The following RGS22 variants were observed in gnomAD, a reference collection of about 807,000 sequenced individuals.
The protein encoded by RGS22 is regulator of G protein signaling 22.
A neutral mutation model predicts 172.9 loss-of-function variants in RGS22; 148 were observed. The observed-to-expected ratio is 0.86, with a 90% CI of 0.75 to 0.98. The LOEUF is 0.98. Ranked by LOEUF, RGS22 falls within the 50% of genes least tolerant of loss-of-function variation. The pLI, the probability that RGS22 is intolerant of heterozygous loss-of-function variation, is 0.00. For synonymous variants in RGS22, 458 were observed against 480.2 expected, an observed-to-expected ratio of 0.95 and a Z score of 0.60; for missense variants, 1,347 against 1,440.8, an observed-to-expected ratio of 0.93 and a Z score of 1.05.
chr8:99,985,179 G>A (rs934390415), intron 21 of RGS22, among the ~76,000 whole-genome samples: 7 of 152,150 alleles, frequency 4.6e-5, no homozygotes, highest in African/African-American at 1.2e-4. Flanking sequence ...GTGTGATGTC[G>A]GGAATTTCTT....
At chr8:100,100,033 G>A (rs1813339947) in intron 2 of RGS22, among the ~76,000 whole-genome samples, 1 of 152,224 alleles carries the variant, frequency 6.6e-6, no homozygotes, top group Non-Finnish European at 1.5e-5. Context: ...TTGTTTAGGA[G>A]GACTGGAATT....
chr8:100,101,540 A>G (rs1261679273), intron 2 of RGS22, among the ~76,000 whole-genome samples: 1 of 145,614 alleles, frequency 6.9e-6, no homozygotes. Flanking sequence ...TGATCCGCCC[A>G]CCTTGACCTC....
chr8:99,976,233 CT>C (rs1563564402), intron 23 of RGS22, among the ~76,000 whole-genome samples: 1 of 152,036 alleles, frequency 6.6e-6, no homozygotes, highest in African/African-American at 2.4e-5. Context: ...AATGAACATG[CT>C]TTTTATGGCA....
chr8:100,095,167 A>G (rs1257508727), intron 2 of RGS22, among the ~76,000 whole-genome samples: 1 of 152,150 alleles, frequency 6.6e-6, no homozygotes, highest in African/African-American at 2.4e-5. Flanking sequence ...GAACTATCTG[A>G]GATGAGATAC....
intron 14 of RGS22, among the ~76,000 whole-genome samples, chr8:100,009,362 T>G (rs1405362834): frequency 2.8e-5 from 4 of 143,226 alleles, no homozygotes; most frequent in Non-Finnish European, 6.0e-5. Flanking sequence ...GAGATTGCGG[T>G]GGCCCAAGAT....
At chr8:100,080,006 A>C (rs1352762395) in intron 4 of RGS22, 128 bp downstream of exon 4, 1 of 647,922 alleles carries the variant, frequency 1.5e-6, no homozygotes, top group Non-Finnish European at 2.6e-6. Flanking sequence ...CTTAACAAAT[A>C]CTATGTGTAC....
chr8:100,070,636 T>C (rs2131839242), intron 6 of RGS22, among the ~76,000 whole-genome samples: 1 of 152,356 alleles, frequency 6.6e-6, no homozygotes, highest in Non-Finnish European at 1.5e-5. Context: ...TTGTATTGTT[T>C]TAGTATTTAA....
intron 23 of RGS22, among the ~76,000 whole-genome samples, chr8:99,976,159 C>T (rs1227886877): frequency 6.6e-6 from 1 of 151,804 alleles, no homozygotes; most frequent in African/African-American, 2.4e-5. Flanking sequence ...CACTGCACTC[C>T]AGCCTGGGTG....
Position 99,987,618 on chromosome 8 carries a change from G to T in RGS22, c.3020C>A (p.Pro1007His). The change falls in exon 21 of 28, where the codon CCT (proline) becomes CAT (histidine). Residue 1007 changes from proline to histidine, a missense_variant and splice_region_variant. By Grantham distance (77) the Pro-to-His change is moderately conservative. Transcript: ENST00000360863. ...KAEKKIGVWK[P>H]VESKWISSSC... The stretch of plus-strand genomic sequence containing the variant: ...TGAAGAGATCCACTTACTCTCCACA[G>T]GCTGTCCAAAGCAGAGAATATAGGA... 1 of 1,590,850 alleles carries T rather than the reference G, an allele frequency of 6.3e-7. No homozygotes were observed. Among genetic ancestry groups the T allele is most frequent in the East Asian group, 2.3e-5 (1 of 44,444 alleles).
In RGS22 at chr8:100,105,972, G is replaced by C. The variant is rs1813912386; in HGVS notation, c.-51C>G. ...GCCCGCGCGGGCCGTCAGGGCCCTA[G>C]CGCGCGGGTCCAGCGCGGGTCAGGG... On this transcript the variant is annotated 5_prime_UTR_variant, in exon 1 of 28. Transcript: ENST00000360863. The C allele has an allele frequency of 7.3e-7, 1 of 1,377,004 alleles. No homozygotes were observed. The highest frequency in any genetic ancestry group is 3.2e-5 in the East Asian group (1 of 31,672). The allele number at this position is 1,377,004 out of a possible 1,614,324, so 85.3% of individuals were successfully genotyped here.
In RGS22 at chr8:100,093,489, A is replaced by G. The variant is rs1184284023; in HGVS notation, c.75T>C (p.Asp25=). The part of the protein sequence containing the change: ...EEEFEDSLAT[D]DFLVDYFNEF... ...CATTAAAGTAGTCTACAAGGAAATC[A>G]TCTGTTGCCAGAGAATCTTCCTGCA... Residue 25 remains aspartate (D), a synonymous_variant, in exon 3 of 28, where the codon GAT becomes GAC. Transcript: ENST00000360863. 6.3e-7 allele frequency: 1 copy of G among 1,597,208 alleles called. No individual in the cohort carries two copies. Among genetic ancestry groups the G allele is most frequent in the East Asian group, 2.2e-5 (1 of 44,640 alleles).
chr8:100,075,666 T>A (rs1811294446), intron 4 of RGS22, among the ~76,000 whole-genome samples: 1 of 152,242 alleles, frequency 6.6e-6, no homozygotes, highest in Non-Finnish European at 1.5e-5. Context: ...TTGGCTATTA[T>A]GAATGATGCT....
chr8:100,045,675 A>G (rs551414642), intron 11 of RGS22, among the ~76,000 whole-genome samples: 2 of 151,656 alleles, frequency 1.3e-5, no homozygotes, highest in South Asian at 4.1e-4. Flanking sequence ...AAAGCACATG[A>G]ATTTTGACTC....
chr8:100,053,364 G>A lies in RGS22; in HGVS notation c.1515-388C>T, dbSNP rs549132340. Among the ~76,000 whole-genome samples, 3 of 149,906 alleles carry A rather than the reference G, an allele frequency of 2.0e-5. No individual in the cohort carries two copies. In the Admixed American group the frequency reaches 2.0e-4, roughly 10 times the overall value. On this transcript the variant is annotated intron_variant, in intron 9 of 27. Transcript: ENST00000360863. Reference sequence around the variant, plus strand: ...TTGAACCCAGAAGGCGGAGGTTGCAGTGAGCCCAGATTGTGCCATTGCACT... The same window carrying A: ...TTGAACCCAGAAGGCGGAGGTTGCAATGAGCCCAGATTGTGCCATTGCACT...
intron 9 of RGS22, 89 bp from the exon 10 acceptor site, chr8:100,053,065 C>A: frequency 8.6e-7 from 1 of 1,168,234 alleles, no homozygotes; most frequent in Non-Finnish European, 1.2e-6. Context: ...GCTGTGCTCA[C>A]AATTAACAGT....
chr8:100,103,363 T>C (rs947994537), intron 2 of RGS22, among the ~76,000 whole-genome samples: 1 of 152,148 alleles, frequency 6.6e-6, no homozygotes, highest in African/African-American at 2.4e-5. Context: ...GAAAAAGATC[T>C]GGCTATGAAA....
rs761296421 is a variant in RGS22, at chr8:100,062,673, T to G, written c.1432A>C (p.Lys478Gln). The change falls in exon 9 of 28, where the codon AAA (lysine) becomes CAA (glutamine). Residue 478 changes from lysine to glutamine, a missense_variant. Lys to Gln is a moderately conservative substitution (Grantham distance 53). Transcript: ENST00000360863. The stretch of plus-strand genomic sequence containing the variant: ...TTCCACTGTGATCCATCTAACAGTT[T>G]AAATTTTGATAAGATTTCTGCAGAA... Reference protein sequence around the residue: ...YLSAEILSKFKLLDGSQWNEE... With the variant: ...YLSAEILSKFQLLDGSQWNEE... 1 of 1,598,384 alleles carries G rather than the reference T, an allele frequency of 6.3e-7. No homozygotes were observed. Among genetic ancestry groups the G allele is most frequent in the Non-Finnish European group, 8.5e-7 (1 of 1,172,632 alleles).
At position 100,063,536 on chromosome 8, in the gene RGS22, T is replaced by C; in HGVS notation, c.1232A>G (p.Asn411Ser). ...CTTAAATCTTTCAAACTCCTTTCTA[T>C]TGCCAATGTCATAAGTCCTATGAGA... ...CISHRTYDIG[N>S]RKEFERFKKF... is the part of the protein sequence containing the mutation. Residue 411 changes from asparagine to serine, a missense_variant, in exon 8 of 28, where the codon AAT (asparagine) becomes AGT (serine). Asn to Ser is a conservative substitution (Grantham distance 46). Transcript: ENST00000360863. 6.2e-7 allele frequency: 1 copy of C among 1,614,076 alleles called. No homozygotes were observed. Among genetic ancestry groups the C allele is most frequent in the Non-Finnish European group, 8.5e-7 (1 of 1,179,976 alleles).
At chr8:99,987,888 G>C (rs1170769702) in intron 20 of RGS22, among the ~76,000 whole-genome samples, 1 of 151,978 alleles carries the variant, frequency 6.6e-6, no homozygotes, top group East Asian at 1.9e-4. Context: ...TTGAGATTAT[G>C]GTGAAAAACT....
Sources: allele counts gnomAD v4.1 joint callset (sites outside exome capture counted in the v4.1 genomes callset), GRCh38; gene constraint gnomAD v4.1.1; transcripts MANE v1.5; gene names NCBI Gene and HGNC (gene_info 2026-07-23, HGNC 2026-07-21).